PIK3CA: variants seen among roughly 807,000 people sequenced by gnomAD.
PIK3CA encodes phosphatidylinositol 4,5-bisphosphate 3-kinase catalytic subunit alpha isoform.
In PIK3CA, 27 loss-of-function variants were observed where a neutral mutation model predicts 138.2. That is an observed-to-expected ratio of 0.20 (90% confidence interval 0.14 to 0.27). The LOEUF (loss-of-function observed/expected upper bound fraction) is 0.27, where lower values mean the gene tolerates loss of function less well. PIK3CA is among the 10% of genes least tolerant of loss of function. The pLI is 1.00. For synonymous variants in PIK3CA, 358 were observed against 413.2 expected (o/e 0.87, Z 1.62); for missense variants, 544 against 1,277.4 (o/e 0.43, Z 8.75).
intron 1 of PIK3CA, among the ~76,000 whole-genome samples, chr3:179,189,748 G>T (rs1252431356): frequency 3.3e-5 from 5 of 152,164 alleles, no homozygotes; most frequent in African/African-American, 9.7e-5. Context: ...ATGAATTGCA[G>T]TTCCTCACTA....
intron 1 of PIK3CA, among the ~76,000 whole-genome samples, chr3:179,160,216 C>T (rs73187252): frequency 0.022 from 3,402 of 152,266 alleles, 55 homozygotes; most frequent in African/African-American, 0.035. Context: ...ATTAATCTTA[C>T]GGGATCACTG....
rs759611407 is a variant in PIK3CA, at chr3:179,203,728, C to T, written c.998C>T (p.Ala333Val). The change falls in exon 5 of 21, where the codon GCA becomes GTA. Residue 333 changes from alanine to valine, a missense_variant. By Grantham distance (64) the Ala-to-Val change is moderately conservative (BLOSUM62 0). Transcript: ENST00000263967. ...AAATCCCTTTGGGTTATAAATAGTG[C>T]ACTCAGAATAAAAATTCTTTGTGCA... ...STKSLWVINSALRIKILCATY... is the reference protein window; with the variant it reads ...STKSLWVINSVLRIKILCATY... 1.2e-5 allele frequency: 20 copies of T among 1,611,852 alleles called. No homozygotes were observed. The highest frequency in any genetic ancestry group is 1.5e-5 in the Non-Finnish European group (18 of 1,178,442).
At chr3:179,231,630 CTT>C (rs144349648) in intron 20 of PIK3CA, among the ~76,000 whole-genome samples, 5 of 50,414 alleles carry the variant, frequency 9.9e-5, no homozygotes, top group Non-Finnish European at 1.1e-4. Flanking sequence ...CCTTAGCCCA[CTT>C]TTTTTTTTTT....
rs1243737471 is a variant in PIK3CA at position 179,235,852 on chromosome 3, GA to G, written c.*1493del. 2 of 212,846 alleles carry G rather than the reference GA, an allele frequency of 9.4e-6. No homozygotes were observed. The highest frequency in any genetic ancestry group is 5.9e-5 in the Admixed American group (1 of 17,058). 13.2% of individuals were successfully genotyped at this position (212,846 alleles called of 1,614,324 possible). A position where few individuals can be genotyped will look rare whatever the true frequency, so the allele number is the denominator to read the frequency against. ...CACAGGACACATTCTTAAACATTTT[GA>G]AAAACATTAACCCAAGATGTAGAGG... On this transcript the variant is annotated 3_prime_UTR_variant, in exon 21 of 21. Coordinates refer to ENST00000263967, the MANE Select transcript of PIK3CA (RefSeq NM_006218.4).
At chr3:179,149,873 C>T (rs1223625002) in intron 1 of PIK3CA, among the ~76,000 whole-genome samples, 1 of 152,110 alleles carries the variant, frequency 6.6e-6, no homozygotes, top group Non-Finnish European at 1.5e-5. Context: ...TGCTGGATTG[C>T]GTGTTTTAAG....
intron 16 of PIK3CA, among the ~76,000 whole-genome samples, chr3:179,225,392 A>G (rs943702819): frequency 6.6e-6 from 1 of 152,148 alleles, no homozygotes; most frequent in African/African-American, 2.4e-5. Context: ...GGAAAAGGCT[A>G]TGGGGGGAGT....
At chr3:179,210,164 A>G (rs761258531) in intron 7 of PIK3CA, 22 bp from the exon 8 acceptor site, 3 of 1,540,740 alleles carry the variant, frequency 1.9e-6, no homozygotes, top group Non-Finnish European at 2.6e-6. Context: ...AGACTAGTGA[A>G]TATTTTTCTT....
At chr3:179,183,088 T>C (rs1367512202) in intron 1 of PIK3CA, among the ~76,000 whole-genome samples, 3 of 152,336 alleles carry the variant, frequency 2.0e-5, no homozygotes, top group Middle Eastern at 3.4e-3. Flanking sequence ...GCCAAAGTTA[T>C]TACTTCAAGC....
chr3:179,237,030 T>G lies in PIK3CA; in HGVS notation c.*2666T>G. 5.1e-6 allele frequency: 1 copy of G among 194,660 alleles called. No individual in the cohort carries two copies. The highest frequency in any genetic ancestry group is 8.1e-5 in the East Asian group (1 of 12,338). 12.1% of individuals were successfully genotyped at this position (194,660 alleles called of 1,614,324 possible). ...TAAGAAATATTTCCTTGAATAATTA[T>G]TTTGAGAAAAAGTCTAAAAGTAATA... On this transcript the variant is annotated 3_prime_UTR_variant, in exon 21 of 21. Coordinates refer to ENST00000263967, the MANE Select transcript of PIK3CA (RefSeq NM_006218.4).
In PIK3CA at chr3:179,203,508, TTA is replaced by T. The variant is rs758511335; in HGVS notation, c.814-35_814-34del. On this transcript the variant is annotated intron_variant, in intron 4 of 20. Transcript: ENST00000263967. ...CATGTTACTTTTAAAATGAAAAACC[TTA>T]CAGGAAATGGCTCGCCCCCTTAATC... is the stretch of plus-strand genomic sequence containing the variant. 3.2e-5 allele frequency: 51 copies of T among 1,570,792 alleles called. No homozygotes were observed. The East Asian group carries it at 6.3e-4, about 19-fold the overall frequency.
chr3:179,191,693 A>G (rs1014785909), intron 1 of PIK3CA, among the ~76,000 whole-genome samples: 4 of 152,062 alleles, frequency 2.6e-5, no homozygotes, highest in African/African-American at 7.2e-5. Flanking sequence ...CTAGAGTGCA[A>G]TGGCGCAGTC....
intron 3 of PIK3CA, 73 bp downstream of exon 3, chr3:179,199,972 G>GTT: frequency 1.1e-6 from 1 of 873,266 alleles, no homozygotes; most frequent in Non-Finnish European, 1.8e-6. Context: ...TCTTTGTATA[G>GTT]TCTTTTTTTT....
chr3:179,164,883 AAAAG>A (rs1245246530), intron 1 of PIK3CA, among the ~76,000 whole-genome samples: 1 of 152,082 alleles, frequency 6.6e-6, no homozygotes, highest in Admixed American at 6.6e-5. Context: ...AAAAAAAAGA[AAAAG>A]AAAAAAGAAA....
At position 179,236,635 on chromosome 3, in the gene PIK3CA, G is replaced by T; in HGVS notation, c.*2271G>T. 4.4e-6 allele frequency: 1 copy of T among 227,164 alleles called. No individual in the cohort carries two copies. The highest frequency in any genetic ancestry group is 6.4e-5 in the East Asian group (1 of 15,738). 14.1% of individuals were successfully genotyped at this position (227,164 alleles called of 1,614,324 possible). A position where few individuals can be genotyped will look rare whatever the true frequency, so the allele number is the denominator to read the frequency against. The stretch of plus-strand genomic sequence containing the variant: ...TTTTTATCTATCAGTCCAGATAGTT[G>T]TCTCCCCTCCTTCTCCCAGGACCTC... On this transcript the variant is annotated 3_prime_UTR_variant, in exon 21 of 21. Transcript: ENST00000263967.
At chr3:179,167,769 T>C (rs934070720) in intron 1 of PIK3CA, among the ~76,000 whole-genome samples, 1 of 152,180 alleles carries the variant, frequency 6.6e-6, no homozygotes, top group Non-Finnish European at 1.5e-5. Flanking sequence ...TCAGATCATA[T>C]GGTTTATCTT....
intron 1 of PIK3CA, among the ~76,000 whole-genome samples, chr3:179,160,724 G>C (rs1390741670): frequency 6.6e-6 from 1 of 151,920 alleles, no homozygotes; most frequent in Non-Finnish European, 1.5e-5. Context: ...TTATATCTTT[G>C]TACAACACAC....
chr3:179,209,564 T>G, intron 6 of PIK3CA, 31 bp from the exon 7 acceptor site: 1 of 1,296,122 alleles, frequency 7.7e-7, no homozygotes, highest in Non-Finnish European at 1.1e-6. Flanking sequence ...CTTTTCTTGA[T>G]GTATTATTTT....
chr3:179,158,255 T>A (rs1219870188), intron 1 of PIK3CA, among the ~76,000 whole-genome samples: 1 of 152,182 alleles, frequency 6.6e-6, no homozygotes, highest in African/African-American at 2.4e-5. Flanking sequence ...GAATGCTATT[T>A]CATACCTACT....
At chr3:179,183,788 C>T (rs114141551) in intron 1 of PIK3CA, among the ~76,000 whole-genome samples, 229 of 152,236 alleles carry the variant, frequency 1.5e-3, no homozygotes, top group Middle Eastern at 6.8e-3. Flanking sequence ...ATGTCAGGGA[C>T]CTAAGTATTT....
Sources: allele counts gnomAD v4.1 joint callset (sites outside exome capture counted in the v4.1 genomes callset), GRCh38; gene constraint gnomAD v4.1.1; transcripts MANE v1.5; gene names NCBI Gene and HGNC (gene_info 2026-07-23, HGNC 2026-07-21).